The following FANCD2 variants were observed in gnomAD, a reference collection of about 807,000 sequenced individuals.
The protein encoded by FANCD2 is Fanconi anemia group D2 protein.
Under a neutral mutation model 192.3 loss-of-function variants are expected in FANCD2, and 131 were observed. The observed-to-expected ratio is 0.68, with a 90% CI of 0.59 to 0.79. The LOEUF (loss-of-function observed/expected upper bound fraction) is 0.79. Among genes scored for constraint, FANCD2 ranks in the 30% least tolerant of loss-of-function variants. The probability of loss-of-function intolerance (pLI) is 0.00; values close to 1 mark genes in which losing one functional copy is unlikely to be tolerated. For missense variants in FANCD2, 1,508 were observed against 1,701.6 expected (o/e 0.89, Z 2.00); for synonymous variants, 524 against 612.5 (o/e 0.86, Z 2.13).
chr3:10,094,721 T>A, intron 40 of FANCD2: 1 of 322,170 alleles, frequency 3.1e-6, no homozygotes, highest in South Asian at 3.3e-5. Flanking sequence ...AAAAAAAAGC[T>A]CATTTGTGTC....
Position 10,049,451 on chromosome 3 carries a change from A to G in FANCD2, c.1491A>G (p.Leu497=), listed in dbSNP as rs1230177997. ...TTGATACTGCCTTAGATGTCCTTCT[A>G]GAGTTGGTAGTGTTAAACCCATCTG... ...AEVDTALDVL[L]ELVVLNPSAM... Residue 497 remains leucine (L), a synonymous_variant, in exon 17 of 44, where the codon CTA becomes CTG. Transcript: ENST00000675286. 1.2e-6 allele frequency: 2 copies of G among 1,606,400 alleles called. No homozygotes were observed. Among genetic ancestry groups the G allele is most frequent in the South Asian group, 1.1e-5 (1 of 90,734 alleles).
At chr3:10,041,839 T>C in intron 10 of FANCD2, 129 bp downstream of exon 10, 1 of 649,730 alleles carries the variant, frequency 1.5e-6, no homozygotes, top group Non-Finnish European at 2.7e-6. Context: ...ATTTGATATC[T>C]CTCTTTTTTT....
intron 15 of FANCD2, among the ~76,000 whole-genome samples, chr3:10,047,581 C>G (rs1054106347): frequency 9.2e-5 from 14 of 152,266 alleles, no homozygotes; most frequent in Non-Finnish European, 1.5e-4. Context: ...GGTGGAACAT[C>G]CCTGGGGGTA....
chr3:10,096,254 A>G (rs1053870201), intron 41 of FANCD2, 72 bp from the exon 42 acceptor site: 9 of 1,503,152 alleles, frequency 6.0e-6, no homozygotes, highest in Non-Finnish European at 8.3e-6. Flanking sequence ...TCAACATTCA[A>G]AGGTTTCTAT....
chr3:10,069,388 T>C (rs1230175987), intron 26 of FANCD2, among the ~76,000 whole-genome samples: 1 of 151,900 alleles, frequency 6.6e-6, no homozygotes, highest in Non-Finnish European at 1.5e-5. Context: ...GAAAAGGTGC[T>C]CAACATCACT....
intron 8 of FANCD2, 128 bp from the exon 9 acceptor site, chr3:10,039,593 T>C (rs1189669846): frequency 2.8e-6 from 3 of 1,089,188 alleles, no homozygotes; most frequent in Non-Finnish European, 4.0e-6. Context: ...GGAAGATTCT[T>C]TTTCAAAGTA....
Position 10,063,867 on chromosome 3 carries a change from T to C in FANCD2, c.1903T>C (p.Phe635Leu), listed in dbSNP as rs1179966779. 28 of 1,614,058 alleles carry C rather than the reference T, an allele frequency of 1.7e-5. No homozygotes were observed. The highest frequency in any genetic ancestry group is 2.2e-5 in the Non-Finnish European group (26 of 1,180,040). Residue 635 changes from phenylalanine to leucine, a missense_variant, in exon 21 of 44, where the codon TTT becomes CTT. This residue lies in a region of FANCD2 where 59 missense variants were observed against 111.9 expected (regional missense o/e 0.53). Transcript: ENST00000675286. ...PQASALYYDE[F>L]ANLIQHEKLD... Reference sequence around the variant, plus strand: ...GGCCTCTGCACTTTACTATGATGAATTTGCCAACCTGATCCAACATGAAAA... The same window carrying C: ...GGCCTCTGCACTTTACTATGATGAACTTGCCAACCTGATCCAACATGAAAA...
chr3:10,043,168 A>T lies in FANCD2; in HGVS notation c.989+18A>T. 1 of 1,592,248 alleles carries T rather than the reference A, an allele frequency of 6.3e-7. No homozygotes were observed. The highest frequency in any genetic ancestry group is 8.6e-7 in the Non-Finnish European group (1 of 1,160,100). On this transcript the variant is annotated intron_variant, in intron 12 of 43. Transcript: ENST00000675286. ...CGAGCAAGGTAAAGAGCTCATCCTC[A>T]CACAGGATGTCACAATTTTCTGACA...
At chr3:10,060,927 T>A (rs2087548995) in intron 19 of FANCD2, among the ~76,000 whole-genome samples, 1 of 152,218 alleles carries the variant, frequency 6.6e-6, no homozygotes, top group African/African-American at 2.4e-5. Context: ...CTCCTTGGAA[T>A]TTATTTTCTG....
intron 29 of FANCD2, among the ~76,000 whole-genome samples, chr3:10,077,483 A>T (rs1693600369): frequency 6.6e-6 from 1 of 152,072 alleles, no homozygotes; most frequent in African/African-American, 2.4e-5. Context: ...TGAACCTGGG[A>T]CGCAGAGGTT....
intron 17 of FANCD2, 130 bp downstream of exon 17, chr3:10,049,635 C>T: frequency 1.1e-6 from 1 of 915,530 alleles, no homozygotes; most frequent in Non-Finnish European, 1.8e-6. Context: ...TTAATTCATT[C>T]AGCAAACACT....
At chr3:10,052,123 A>G (rs2087236962) in intron 17 of FANCD2, among the ~76,000 whole-genome samples, 2 of 152,164 alleles carry the variant, frequency 1.3e-5, no homozygotes, top group African/African-American at 2.4e-5. Flanking sequence ...AGAAAACTTT[A>G]TGTTTCCTGA....
intron 11 of FANCD2, 63 bp from the exon 12 acceptor site, chr3:10,042,987 A>G: frequency 7.3e-7 from 1 of 1,363,390 alleles, no homozygotes; most frequent in East Asian, 2.3e-5. Flanking sequence ...TGGTAGAGAG[A>G]CTGGACTGTG....
At chr3:10,075,052 A>G (rs547781390) in intron 29 of FANCD2, among the ~76,000 whole-genome samples, 12 of 152,256 alleles carry the variant, frequency 7.9e-5, no homozygotes, top group African/African-American at 2.6e-4. Context: ...ACTGAGTCCT[A>G]TTTTGTGTTT....
intron 43 of FANCD2, 96 bp from the exon 44 acceptor site, chr3:10,101,092 A>C (rs1695271498): frequency 2.2e-6 from 2 of 926,596 alleles, no homozygotes; most frequent in Admixed American, 3.9e-5. Context: ...TTTAACAGTG[A>C]TAATAGTACA....
rs188403544 is a variant in FANCD2, at chr3:10,101,306, G to A, written c.*44G>A. 3 of 1,407,660 alleles carry A rather than the reference G, an allele frequency of 2.1e-6. No homozygotes were observed. Among genetic ancestry groups the A allele is most frequent in the African/African-American group, 2.8e-5 (2 of 70,792 alleles). The allele number at this position is 1,407,660 out of a possible 1,614,324, so 87.2% of individuals were successfully genotyped here. On this transcript the variant is annotated 3_prime_UTR_variant, in exon 44 of 44. Transcript: ENST00000675286. ...CCTGCTTCTGTGTCTCTGCCAGCCT[G>A]TGATCATTTTGTGTTAGAGTTTGAA...
chr3:10,075,084 A>G (rs1693460578), intron 29 of FANCD2, among the ~76,000 whole-genome samples: 1 of 152,164 alleles, frequency 6.6e-6, no homozygotes, highest in Non-Finnish European at 1.5e-5. Flanking sequence ...AAGCACTTGC[A>G]TTTCAGTAGT....
chr3:10,075,521 C>T (rs17032348), intron 29 of FANCD2, among the ~76,000 whole-genome samples: 4,591 of 152,162 alleles, frequency 0.03, 238 homozygotes, highest in African/African-American at 0.11. Context: ...CATTAATGGT[C>T]TGAACCAAGG....
intron 27 of FANCD2, 67 bp downstream of exon 27, chr3:10,073,048 A>C: frequency 1.0e-6 from 1 of 953,672 alleles, no homozygotes; most frequent in Non-Finnish European, 1.7e-6. Flanking sequence ...CCTAAAAGTT[A>C]TGTGTATCAT....
Sources: gnomAD v4.1 joint callset for allele counts (sites outside exome capture counted in the v4.1 genomes callset) on GRCh38, gnomAD v4.1.1 for gene constraint, gnomAD v4.1.1 regional missense constraint, MANE v1.5 for transcripts, NCBI Gene and HGNC (gene_info 2026-07-23, HGNC 2026-07-21) for gene names.